The following SLC25A31 variants were observed in gnomAD, a reference collection of about 807,000 sequenced individuals.
SLC25A31 encodes the protein ADP/ATP translocase 4.
A neutral mutation model predicts 36.2 loss-of-function variants in SLC25A31; 40 were observed. That is an observed-to-expected ratio of 1.10 (90% CI 0.86 to 1.44). The LOEUF is 1.44. Ranked by LOEUF, SLC25A31 falls within the 40% of genes most tolerant of loss-of-function variation. SLC25A31 has a pLI of 0.00. For missense variants in SLC25A31, 350 were observed against 397.1 expected (o/e 0.88, Z 1.01); for synonymous variants, 143 against 149.7 (o/e 0.96, Z 0.32).
At chr4:127,764,157 A>G (rs1284710073) in intron 2 of SLC25A31, 86 bp from the exon 3 acceptor site, 3 of 1,157,514 alleles carry the variant, frequency 2.6e-6, no homozygotes, top group Non-Finnish European at 3.7e-6. Context: ...TGGTGTTTTA[A>G]CATTTATAAA....
intron 1 of SLC25A31, among the ~76,000 whole-genome samples, chr4:127,743,885 C>T (rs546397136): frequency 1.6e-4 from 24 of 152,214 alleles, no homozygotes; most frequent in Admixed American, 7.2e-4. Context: ...GGGTATTCTC[C>T]GAACTGGTGC....
chr4:127,769,479 T>G (rs1732309224), intron 5 of SLC25A31, among the ~76,000 whole-genome samples: 1 of 152,218 alleles, frequency 6.6e-6, no homozygotes, highest in Non-Finnish European at 1.5e-5. Context: ...TTTCAGGTGC[T>G]CAGCTGGTAA....
chr4:127,755,748 A>C (rs771909724), intron 2 of SLC25A31, among the ~76,000 whole-genome samples: 2 of 152,158 alleles, frequency 1.3e-5, no homozygotes, highest in African/African-American at 2.4e-5. Context: ...AAAACTAAAA[A>C]TAGGGCCAGG....
intron 2 of SLC25A31, among the ~76,000 whole-genome samples, chr4:127,752,388 G>A (rs886227949): frequency 4.0e-5 from 6 of 151,482 alleles, no homozygotes; most frequent in African/African-American, 7.3e-5. Flanking sequence ...ATGGACACAG[G>A]AAGGGGAACA....
chr4:127,738,936 T>C (rs1731684298), intron 1 of SLC25A31, among the ~76,000 whole-genome samples: 1 of 152,210 alleles, frequency 6.6e-6, no homozygotes, highest in Non-Finnish European at 1.5e-5. Context: ...CCCTGCTCTT[T>C]TTTGTTTTTT....
At chr4:127,735,892 A>ATTT (rs869204653) in intron 1 of SLC25A31, among the ~76,000 whole-genome samples, 7 of 38,712 alleles carry the variant, frequency 1.8e-4, no homozygotes, top group Admixed American at 4.0e-4. Context: ...TTATTTATTT[A>ATTT]TTTATTTTTT....
intron 1 of SLC25A31, among the ~76,000 whole-genome samples, chr4:127,731,807 A>G (rs1489678261): frequency 6.6e-6 from 1 of 152,176 alleles, no homozygotes; most frequent in Admixed American, 6.5e-5. Context: ...AAAACAGGAA[A>G]AAAAAAAAAC....
intron 5 of SLC25A31, among the ~76,000 whole-genome samples, chr4:127,770,949 C>CTTTTTTTTTTTTTTT (rs558206857): frequency 9.9e-5 from 8 of 80,816 alleles, no homozygotes; most frequent in African/African-American, 2.3e-4. Context: ...TCTTCTTCTT[C>CTTTTTTTTTTTTTTT]TTTTTTTTTT....
At chr4:127,750,368 A>G (rs551863027) in intron 2 of SLC25A31, among the ~76,000 whole-genome samples, 1 of 152,352 alleles carries the variant, frequency 6.6e-6, no homozygotes, top group East Asian at 1.9e-4. Flanking sequence ...ATAGTCAAAA[A>G]TCATAAGTTG....
intron 1 of SLC25A31, among the ~76,000 whole-genome samples, chr4:127,741,944 CTT>C (rs1464855280): frequency 6.6e-6 from 1 of 152,090 alleles, no homozygotes; most frequent in Non-Finnish European, 1.5e-5. Context: ...TCTTACAACT[CTT>C]TGTATTACTG....
At chr4:127,735,840 A>G (rs1305758062) in intron 1 of SLC25A31, among the ~76,000 whole-genome samples, 8 of 146,716 alleles carry the variant, frequency 5.5e-5, no homozygotes, top group African/African-American at 9.9e-5. Flanking sequence ...TTTAGACTGT[A>G]TATCCAAACA....
chr4:127,755,997 C>A (rs529150527), intron 2 of SLC25A31, among the ~76,000 whole-genome samples: 1 of 151,426 alleles, frequency 6.6e-6, no homozygotes, highest in Non-Finnish European at 1.5e-5. Context: ...CGCGCCATTG[C>A]GCTCCAGCCT....
At position 127,730,729 on chromosome 4, in the gene SLC25A31, C is replaced by T. The variant is rs368916292; in HGVS notation, c.184C>T (p.Arg62Trp). ...GTCGAAGCAGATCAGCCCCGAGGCG[C>T]GGTACAAAGGCATGGTGGACTGCCT... The part of the protein sequence containing the change: ...ASSKQISPEA[R>W]YKGMVDCLVR... Residue 62 changes from arginine to tryptophan, a missense_variant, in exon 1 of 6, where the codon CGG becomes TGG. Arg to Trp is a moderately radical substitution (Grantham distance 101). Transcript: ENST00000281154. 3.7e-6 allele frequency: 6 copies of T among 1,613,646 alleles called. No individual in the cohort carries two copies. The highest frequency in any genetic ancestry group is 2.2e-5 in the East Asian group (1 of 44,882).
At chr4:127,771,042 T>C (rs1482168102) in intron 5 of SLC25A31, among the ~76,000 whole-genome samples, 1 of 147,348 alleles carries the variant, frequency 6.8e-6, no homozygotes, top group Non-Finnish European at 1.5e-5. Context: ...CTGCAACCTC[T>C]GCCTCCCAGG....
At chr4:127,739,894 T>C (rs1159393504) in intron 1 of SLC25A31, among the ~76,000 whole-genome samples, 1 of 152,038 alleles carries the variant, frequency 6.6e-6, no homozygotes, top group Non-Finnish European at 1.5e-5. Flanking sequence ...TATTTTGAAA[T>C]TTCTTAAGTA....
rs1376586350 is a variant in SLC25A31 at position 127,773,474 on chromosome 4, G to GCGCCTTCTC, written c.850_858dup (p.Ala284_Ser286dup). The GCGCCTTCTC allele has an allele frequency of 6.2e-7, 1 of 1,613,832 alleles. No individual in the cohort carries two copies. The highest frequency in any genetic ancestry group is 8.5e-7 in the Non-Finnish European group (1 of 1,179,902). On this transcript the variant is annotated inframe_insertion, in exon 6 of 6. Transcript: ENST00000281154. ...GAAGGAATCAGTTCCTTTTTTCGTG[G>GCGCCTTCTC]CGCCTTCTCCAATGTTCTTCGCGGT...
At position 127,730,688 on chromosome 4, in the gene SLC25A31, T is replaced by C. The variant is rs746883007; in HGVS notation, c.143T>C (p.Leu48Pro). 2 of 1,613,892 alleles carry C rather than the reference T, an allele frequency of 1.2e-6. No individual in the cohort carries two copies. The highest frequency in any genetic ancestry group is 1.7e-6 in the Non-Finnish European group (2 of 1,179,930). ...VAPIERVKLL[L>P]QVQASSKQIS... ...CCCATCGAGCGGGTGAAGCTGCTGC[T>C]GCAGGTGCAGGCGTCGTCGAAGCAG... Residue 48 changes from leucine to proline, a missense_variant, in exon 1 of 6, where the codon CTG becomes CCG. Physicochemically the swap from Leu to Pro is moderately conservative, Grantham distance 98. Transcript: ENST00000281154.
intron 2 of SLC25A31, among the ~76,000 whole-genome samples, chr4:127,745,682 C>T (rs1278988993): frequency 6.6e-6 from 1 of 152,064 alleles, no homozygotes; most frequent in Non-Finnish European, 1.5e-5. Context: ...GAATGTTTTG[C>T]CCTGTACTTT....
At chr4:127,762,425 G>T (rs1316193312) in intron 2 of SLC25A31, among the ~76,000 whole-genome samples, 3 of 152,106 alleles carry the variant, frequency 2.0e-5, no homozygotes, top group Non-Finnish European at 4.4e-5. Flanking sequence ...GACTTAAGGA[G>T]GTAGGGAGGA....
Sources: allele counts gnomAD v4.1 joint callset (sites outside exome capture counted in the v4.1 genomes callset), GRCh38; gene constraint gnomAD v4.1.1; transcripts MANE v1.5; gene names NCBI Gene and HGNC (gene_info 2026-07-23, HGNC 2026-07-21).